The following LYPLAL1 variants were observed in gnomAD, a reference collection of about 807,000 sequenced individuals.
LYPLAL1 encodes the protein lysophospholipase-like protein 1.
A neutral mutation model predicts 19.7 loss-of-function variants in LYPLAL1; 23 were observed. The ratio of observed to expected loss-of-function variants is 1.17; its 90% CI spans 0.84 to 1.65. The LOEUF (loss-of-function observed/expected upper bound fraction) is 1.65. Ranked by LOEUF, LYPLAL1 falls within the 40% of genes most tolerant of loss-of-function variation. The pLI, the probability that LYPLAL1 is intolerant of heterozygous loss-of-function variation, is 0.00. For synonymous variants in LYPLAL1, 119 were observed against 96.3 expected (o/e 1.24, Z -1.38); for missense variants, 355 against 279.4 (o/e 1.27, Z -1.93).
At chr1:219,399,818 A>T in the LYPLAL1 span, among the ~76,000 whole-genome samples, 1 of 152,112 alleles carries the variant, frequency 6.6e-6, no homozygotes, top group Non-Finnish European at 1.5e-5. Flanking sequence ...TTCAGGTCCG[A>T]CAGTTCTGCT....
the LYPLAL1 span, among the ~76,000 whole-genome samples, chr1:219,441,193 A>T: frequency 6.6e-6 from 1 of 152,346 alleles, no homozygotes; most frequent in South Asian, 2.1e-4. Flanking sequence ...TAGTGTATGG[A>T]ACTTATTTTG....
At chr1:219,315,603 T>C in the LYPLAL1 span, among the ~76,000 whole-genome samples, 1 of 152,176 alleles carries the variant, frequency 6.6e-6, no homozygotes, top group South Asian at 2.1e-4. Flanking sequence ...TGTGTTTTGG[T>C]TTTCCTTGAA....
At chr1:219,349,937 T>A in the LYPLAL1 span, among the ~76,000 whole-genome samples, 4 of 152,226 alleles carry the variant, frequency 2.6e-5, no homozygotes, top group Admixed American at 2.6e-4. Flanking sequence ...CCACTCTTTT[T>A]ACCTAGCAAT....
chr1:219,404,551 T>G, the LYPLAL1 span, among the ~76,000 whole-genome samples: 2 of 152,116 alleles, frequency 1.3e-5, no homozygotes, highest in African/African-American at 4.8e-5. Flanking sequence ...TCTGCAGTTT[T>G]GCAATGTGTT....
At chr1:219,398,204 G>C in the LYPLAL1 span, among the ~76,000 whole-genome samples, 11 of 152,002 alleles carry the variant, frequency 7.2e-5, no homozygotes, top group African/African-American at 2.4e-4. Context: ...TCACAGATTT[G>C]GTTTCTTTAC....
chr1:219,419,181 T>C, the LYPLAL1 span, among the ~76,000 whole-genome samples: 1 of 152,204 alleles, frequency 6.6e-6, no homozygotes. Context: ...GAAGAGTGAT[T>C]GTGATTGCTG....
At chr1:219,379,536 G>A in the LYPLAL1 span, among the ~76,000 whole-genome samples, 1 of 152,188 alleles carries the variant, frequency 6.6e-6, no homozygotes, top group Non-Finnish European at 1.5e-5. Flanking sequence ...TTCATGATAG[G>A]CTCAGGAGGG....
chr1:219,280,632 C>A, the LYPLAL1 span, among the ~76,000 whole-genome samples: 3 of 152,134 alleles, frequency 2.0e-5, no homozygotes, highest in Non-Finnish European at 4.4e-5. Flanking sequence ...CCATAAGCAT[C>A]AAATCACAAA....
the LYPLAL1 span, among the ~76,000 whole-genome samples, chr1:219,276,616 T>A: frequency 4.6e-5 from 7 of 152,140 alleles, no homozygotes; most frequent in African/African-American, 1.4e-4. Flanking sequence ...GTGTAAATTG[T>A]GCAAATGTAA....
intron 3 of LYPLAL1, among the ~76,000 whole-genome samples, chr1:219,195,839 C>G (rs183497228): frequency 2.0e-5 from 3 of 152,204 alleles, no homozygotes; most frequent in East Asian, 3.9e-4. Flanking sequence ...CTGATGCTCT[C>G]CCTCTCACCG....
chr1:219,379,129 A>G, the LYPLAL1 span, among the ~76,000 whole-genome samples: 3 of 152,202 alleles, frequency 2.0e-5, no homozygotes, highest in African/African-American at 7.2e-5. Flanking sequence ...AATCATAAGT[A>G]TGTCTGCAAC....
At chr1:219,320,407 C>T in the LYPLAL1 span, among the ~76,000 whole-genome samples, 1 of 152,040 alleles carries the variant, frequency 6.6e-6, no homozygotes, top group Admixed American at 6.6e-5. Flanking sequence ...AGATTAATCA[C>T]CCAAGCAAAC....
chr1:219,323,235 G>T, the LYPLAL1 span, among the ~76,000 whole-genome samples: 1 of 152,064 alleles, frequency 6.6e-6, no homozygotes, highest in Non-Finnish European at 1.5e-5. Context: ...GTCAGTTATG[G>T]AATTGAAAGT....
At chr1:219,245,481 A>T in the LYPLAL1 span, among the ~76,000 whole-genome samples, 4 of 152,342 alleles carry the variant, frequency 2.6e-5, no homozygotes, top group African/African-American at 4.8e-5. Context: ...GCATTGAAAT[A>T]AGAATGATAA....
At chr1:219,247,911 TA>T in the LYPLAL1 span, among the ~76,000 whole-genome samples, 13 of 151,930 alleles carry the variant, frequency 8.6e-5, no homozygotes, top group African/African-American at 2.9e-4. Flanking sequence ...TAGAGAGGGT[TA>T]AAAAAAACCT....
At chr1:219,373,433 C>T in the LYPLAL1 span, among the ~76,000 whole-genome samples, 3 of 152,100 alleles carry the variant, frequency 2.0e-5, no homozygotes, top group African/African-American at 7.2e-5. Flanking sequence ...TGAGTTATTA[C>T]CCCAGTCTCA....
chr1:219,439,996 C>CACAT, the LYPLAL1 span, among the ~76,000 whole-genome samples: 1 of 47,160 alleles, frequency 2.1e-5, no homozygotes, highest in Non-Finnish European at 5.1e-5. Flanking sequence ...TATATACACA[C>CACAT]ATATATATAT....
At chr1:219,321,871 A>T in the LYPLAL1 span, among the ~76,000 whole-genome samples, 1 of 152,176 alleles carries the variant, frequency 6.6e-6, no homozygotes, top group Non-Finnish European at 1.5e-5. Context: ...TTACTGGGTA[A>T]TATACCCTAG....
At chr1:219,425,915 G>A in the LYPLAL1 span, among the ~76,000 whole-genome samples, 2 of 152,268 alleles carry the variant, frequency 1.3e-5, no homozygotes, top group Non-Finnish European at 1.5e-5. Context: ...ACCATTTCAG[G>A]AAAGTTCTGT....
Sources: allele counts gnomAD v4.1 joint callset (sites outside exome capture counted in the v4.1 genomes callset), GRCh38; gene constraint gnomAD v4.1.1; transcripts MANE v1.5; gene names NCBI Gene and HGNC (gene_info 2026-07-23, HGNC 2026-07-21).